Variants in BRF1 observed in about 807,000 individuals in gnomAD.
BRF1 encodes BRF1 general transcription factor IIIB subunit, also known as transcription factor IIIB 90 kDa subunit.
In BRF1, 59 loss-of-function variants were observed where a neutral mutation model predicts 81.7. The observed-to-expected ratio is 0.72, with a 90% CI of 0.59 to 0.90. The LOEUF (loss-of-function observed/expected upper bound fraction) is 0.90. Ranked by LOEUF, BRF1 falls within the 40% of genes least tolerant of loss-of-function variation. BRF1 has a pLI of 0.00. For synonymous variants in BRF1, 491 were observed against 395.6 expected (o/e 1.24, Z -2.86); for missense variants, 1,050 against 936.3 (o/e 1.12, Z -1.58).
upstream of BRF1, among the ~76,000 whole-genome samples, chr14:105,303,283 A>C (rs749128522): frequency 1.3e-5 from 2 of 151,790 alleles, no homozygotes; most frequent in African/African-American, 2.4e-5. Context: ...TCGCTCTGTC[A>C]CCCAGGCTGG....
chr14:105,269,905 G>A lies in BRF1; in HGVS notation c.439+2816C>T, dbSNP rs945791213. 1.1e-4 allele frequency among the ~76,000 whole-genome samples: 17 copies of A among 152,194 alleles called. No homozygotes were observed. The highest frequency in any genetic ancestry group is 3.9e-4 in the African/African-American group (16 of 41,460). ...ACAAACACAAGGGAGGCAGGGCCAT[G>A]GGCTGACCCTGGGCTCTGCTCAGCT... On this transcript the variant is annotated intron_variant, in intron 3 of 17. Transcript: ENST00000547530. This position sits in a 1 kb window ranked among gnomAD's most constrained non-coding sequence, Gnocchi z 5.0.
At chr14:105,264,803 T>C in intron 3 of BRF1, among the ~76,000 whole-genome samples, 1 of 151,316 alleles carries the variant, frequency 6.6e-6, no homozygotes, top group Non-Finnish European at 1.5e-5. Context: ...ACTGCACCAC[T>C]GCACTCCAGC....
chr14:105,253,100 C>G (rs1222930181), intron 4 of BRF1, among the ~76,000 whole-genome samples: 1 of 152,270 alleles, frequency 6.6e-6, no homozygotes, highest in Admixed American at 6.5e-5. Context: ...CCTCGGCTAT[C>G]TGCCATAGGG....
intron 7 of BRF1, among the ~76,000 whole-genome samples, chr14:105,228,458 C>G (rs1052082722): frequency 1.3e-5 from 2 of 151,762 alleles, no homozygotes; most frequent in Non-Finnish European, 2.9e-5. Flanking sequence ...GCAGGAGAAT[C>G]TCTTGGACCC....
Position 105,272,863 on chromosome 14 carries a change from C to G in BRF1, c.297G>C (p.Gln99His), listed in dbSNP as rs1287411451. 2 of 1,613,398 alleles carry G rather than the reference C, an allele frequency of 1.2e-6. No individual in the cohort carries two copies. Among genetic ancestry groups the G allele is most frequent in the East Asian group, 2.2e-5 (1 of 44,862 alleles). ...GRRHIHHLGN[Q>H]LQLNQHCLDT... ...CCAGGCAGTGCTGGTTCAGCTGCAG[C>G]TGGTTCCCCAGGTGGTGGATGTGGC... is the stretch of plus-strand genomic sequence containing the variant. The change falls in exon 3 of 18, where the codon CAG (glutamine) becomes CAC (histidine). Residue 99 changes from glutamine (Q) to histidine (H), a missense_variant. Gln to His is a conservative substitution (Grantham distance 24, BLOSUM62 0). Coordinates refer to ENST00000547530, the MANE Select transcript of BRF1 (RefSeq NM_001519.4).
Position 105,252,543 on chromosome 14 carries a change from AGAG to A in BRF1, c.505_507del (p.Leu170del), listed in dbSNP as rs1348063022. ...GCATTGATGCAGAGCTCTCTTGCCAAGAGAAGAAACGTCTTTCCAAGCACGTAC... is the reference window on the plus strand; with the variant it reads ...GCATTGATGCAGAGCTCTCTTGCCAAAAGAAACGTCTTTCCAAGCACGTAC... On this transcript the variant is annotated inframe_deletion, in exon 5 of 18. Transcript: ENST00000547530. The A allele has an allele frequency of 6.2e-7, 1 of 1,613,936 alleles. No individual in the cohort carries two copies. Among genetic ancestry groups the A allele is most frequent in the Non-Finnish European group, 8.5e-7 (1 of 1,180,010 alleles).
chr14:105,259,348 G>A (rs1440703921), intron 3 of BRF1, among the ~76,000 whole-genome samples: 1 of 152,218 alleles, frequency 6.6e-6, no homozygotes, highest in African/African-American at 2.4e-5. Context: ...AGAAGGCTAA[G>A]GCAGGAGGAT....
intron 12 of BRF1, chr14:105,219,784 T>G: frequency 1.9e-6 from 1 of 530,956 alleles, no homozygotes; most frequent in Non-Finnish European, 3.4e-6. Context: ...CTGCCCCTGG[T>G]GCTATTTGTG....
chr14:105,288,868 CA>C (rs1474691582), intron 1 of BRF1, among the ~76,000 whole-genome samples: 5 of 149,130 alleles, frequency 3.4e-5, no homozygotes, highest in African/African-American at 7.4e-5. Context: ...CCCATTTCTA[CA>C]AAAAAAAACT....
In BRF1 at chr14:105,315,075, C is replaced by T; in HGVS notation, c.-162+247G>A. 8 of 1,116,576 alleles carry T rather than the reference C, an allele frequency of 7.2e-6. No homozygotes were observed. Among genetic ancestry groups the T allele is most frequent in the Non-Finnish European group, 8.8e-6 (8 of 906,176 alleles). 69.2% of individuals were successfully genotyped at this position (1,116,576 alleles called of 1,614,324 possible). Reference sequence around the variant, plus strand: ...CGCCGCGCTTTGTTCCCGCCGGGCACCTGCTGGGGGTGTCCTGGCCGCGGC... The same window carrying T: ...CGCCGCGCTTTGTTCCCGCCGGGCATCTGCTGGGGGTGTCCTGGCCGCGGC... On this transcript the variant is annotated intron_variant, in intron 1 of 17. Transcript: ENST00000327359. The surrounding 1 kb of genome is among the most constrained non-coding windows in gnomAD (Gnocchi z 4.4).
chr14:105,250,074 C>T, intron 5 of BRF1: 3 of 1,613,032 alleles, frequency 1.9e-6, no homozygotes, highest in Non-Finnish European at 2.5e-6. Context: ...CGAATTCCAA[C>T]CATGACCCTA....
At chr14:105,215,512 T>C (rs1054541087) in intron 15 of BRF1, among the ~76,000 whole-genome samples, 2 of 150,112 alleles carry the variant, frequency 1.3e-5, no homozygotes, top group East Asian at 4.0e-4. Context: ...CGCACACACG[T>C]ACTGTGTGCA....
At chr14:105,251,419 G>A (rs1461759482) in intron 5 of BRF1, among the ~76,000 whole-genome samples, 1 of 152,208 alleles carries the variant, frequency 6.6e-6, no homozygotes, top group Admixed American at 6.5e-5. Flanking sequence ...CACTAGCTGT[G>A]ACACTGCTGC....
In BRF1 at chr14:105,271,909, G is replaced by A. The variant is rs4983598; in HGVS notation, c.439+812C>T. ...AAGCTGCACACCGCTGAGGGTCGGC[G>A]GCCTCCCCGCCCACCGCCTGCAGTC... is the stretch of plus-strand genomic sequence containing the variant. On this transcript the variant is annotated intron_variant, in intron 3 of 17. Coordinates refer to ENST00000547530, the MANE Select transcript of BRF1 (RefSeq NM_001519.4). The surrounding 1 kb of genome is among the most constrained non-coding windows in gnomAD (Gnocchi z 5.5). 0.028 allele frequency among the ~76,000 whole-genome samples: 1,615 copies of A among 57,734 alleles called. 65 individuals are homozygous for A. Among genetic ancestry groups the A allele is most frequent in the African/African-American group, 0.095 (1,291 of 13,574 alleles). 37.9% of individuals were successfully genotyped at this position (57,734 alleles called of 152,430 possible). A position where few individuals can be genotyped will look rare whatever the true frequency, so the allele number is the denominator to read the frequency against.
At chr14:105,295,027 A>T (rs2057675930) in intron 1 of BRF1, among the ~76,000 whole-genome samples, 1 of 152,050 alleles carries the variant, frequency 6.6e-6, no homozygotes, top group Non-Finnish European at 1.5e-5. Flanking sequence ...AAGAACACCA[A>T]CTCTACATAA....
intron 10 of BRF1, among the ~76,000 whole-genome samples, chr14:105,224,672 C>A (rs1439508179): frequency 3.3e-5 from 5 of 152,154 alleles, no homozygotes; most frequent in Admixed American, 3.3e-4. Context: ...CTCAGCCTCC[C>A]GAGGAGCTGG....
intron 1 of BRF1, among the ~76,000 whole-genome samples, chr14:105,311,759 GCT>G (rs1387561790): frequency 6.6e-6 from 1 of 152,220 alleles, no homozygotes; most frequent in African/African-American, 2.4e-5. Flanking sequence ...CGGTCTTAGA[GCT>G]CTTGGCCATC....
chr14:105,220,200 G>C, intron 11 of BRF1, 70 bp from the exon 12 acceptor site: 2 of 1,582,872 alleles, frequency 1.3e-6, no homozygotes, highest in Non-Finnish European at 1.7e-6. Context: ...CACCACCTGG[G>C]CTGGCTCAGG....
intron 3 of BRF1, among the ~76,000 whole-genome samples, chr14:105,263,422 G>A (rs898170457): frequency 1.7e-4 from 26 of 152,100 alleles, no homozygotes; most frequent in African/African-American, 5.3e-4. Context: ...GGCAGCTGCC[G>A]CCCCTGGAGC....
Sources: gnomAD v4.1 joint callset for allele counts (sites outside exome capture counted in the v4.1 genomes callset) on GRCh38, gnomAD v4.1.1 for gene constraint, Gnocchi (gnomAD v3.1) non-coding constraint, MANE v1.5 for transcripts, NCBI Gene and HGNC (gene_info 2026-07-23, HGNC 2026-07-21) for gene names.